The following FLNA variants were observed in gnomAD, a reference collection of about 807,000 sequenced individuals.
FLNA encodes filamin-A.
FLNA carries 7 observed loss-of-function variants against 157.6 expected under a neutral mutation model. The observed-to-expected ratio is 0.04, with a 90% CI of 0.03 to 0.08. FLNA has a LOEUF of 0.08. Ranked by LOEUF, FLNA falls within the 10% of genes least tolerant of loss-of-function variation. The pLI is 1.00. For missense variants in FLNA, 1,750 were observed against 2,398.4 expected (o/e 0.73, Z 5.65); for synonymous variants, 1,103 against 1,060.8 (o/e 1.04, Z -0.77).
intron 44 of FLNA, chrX:154,350,556 C>T (rs368240378): frequency 5.2e-6 from 2 of 385,576 alleles, no homozygotes; most frequent in African/African-American, 2.5e-5. Flanking sequence ...AAGGGCAGGA[C>T]TAGGCCGTGA....
In FLNA at chrX:154,366,746, C is replaced by T. The variant is rs782724892; in HGVS notation, c.973G>A (p.Gly325Arg). 15 of 1,208,631 alleles carry T rather than the reference C, an allele frequency of 1.2e-5. No individual in the cohort carries two copies. The highest frequency in any genetic ancestry group is 5.3e-5 in the South Asian group (3 of 56,895). Residue 325 changes from glycine (G) to arginine (R), a missense_variant, in exon 6 of 48, where the codon GGA becomes AGA. Physicochemically the swap from Gly to Arg is moderately radical, Grantham distance 125. Coordinates refer to ENST00000369850, the MANE Select transcript of FLNA (RefSeq NM_001110556.2). ...EVLVYVEDPA[G>R]HQEEAKVTAN... ...GCTGGCCCTACCTCCTCCTGGTGTC[C>T]GGCCGGGTCCTCCACGTACACCAGC...
rs1243188862 is a variant in FLNA, at chrX:154,353,680, A to C, written c.5734T>G (p.Cys1912Gly). The change falls in exon 36 of 48, where the codon TGC becomes GGC. Residue 1912 changes from cysteine (C) to glycine (G), a missense_variant. Physicochemically the swap from Cys to Gly is radical, Grantham distance 159. Coordinates refer to ENST00000369850, the MANE Select transcript of FLNA (RefSeq NM_001110556.2). ...CATGTCCCATCCTGGTTGTCAGTGC[A>C]GCTGATTTCTGCTTTGGACGGGCCC... ...IEGPSKAEISCTDNQDGTCSV... is the reference protein window; with the variant it reads ...IEGPSKAEISGTDNQDGTCSV... The C allele has an allele frequency of 2.5e-6, 3 of 1,210,505 alleles. No individual in the cohort carries two copies. In the African/African-American group the frequency reaches 5.2e-5, roughly 21 times the overall value.
Position 154,364,906 on chromosome X carries a change from G to A in FLNA, c.1743C>T (p.Ala581=). The A allele has an allele frequency of 8.3e-7, 1 of 1,211,477 alleles. No homozygotes were observed. Among genetic ancestry groups the A allele is most frequent in the Non-Finnish European group, 1.1e-6 (1 of 895,497 alleles). Residue 581 remains alanine (A), a synonymous_variant, in exon 12 of 48, where the codon GCC becomes GCT. Coordinates refer to ENST00000369850, the MANE Select transcript of FLNA (RefSeq NM_001110556.2). ...GTECGNQKVR[A]WGPGLEGGVV... ...CGCCGCCCTCCAGCCCAGGGCCCCA[G>A]GCCCGTACCTTCTGATTGCCACACT...
At chrX:154,371,627 C>G (rs1301559697) in intron 1 of FLNA, among the ~76,000 whole-genome samples, 4 of 113,313 alleles carry the variant, frequency 3.5e-5, no homozygotes, top group African/African-American at 9.6e-5. Context: ...CGCCCTAGAG[C>G]GAGGAAAGGC....
chrX:154,362,355 G>A, intron 17 of FLNA, 23 bp from the exon 18 acceptor site: 1 of 1,208,205 alleles, frequency 8.3e-7, no homozygotes, highest in Non-Finnish European at 1.1e-6. Context: ...GGAGGAGAAG[G>A]CCTTAGAGGA....
rs2067594227 is a variant in FLNA at position 154,348,791 on chromosome X, G to A, written c.*58C>T. The A allele has an allele frequency of 4.0e-5, 44 of 1,104,743 alleles. No homozygotes were observed. In the South Asian group the frequency reaches 4.2e-4, roughly 11 times the overall value. 91.0% of individuals were successfully genotyped at this position (1,104,743 alleles called of 1,213,427 possible). A position where few individuals can be genotyped will look rare whatever the true frequency, so the allele number is the denominator to read the frequency against. ...GGGCCGGGGTTGAGGGGAAGAGGGC[G>A]GGGCTGCTTGGGTAGCGGGGCAGGC... On this transcript the variant is annotated 3_prime_UTR_variant, in exon 48 of 48. Transcript: ENST00000369850.
chrX:154,365,933 G>A (rs1280498506), intron 9 of FLNA, 91 bp downstream of exon 9: 26 of 887,074 alleles, frequency 2.9e-5, no homozygotes, highest in African/African-American at 4.0e-5. Context: ...GCCCCGGGGC[G>A]GGCTGCAGCG....
intron 30 of FLNA, 72 bp downstream of exon 30, chrX:154,357,179 G>T: frequency 9.9e-7 from 1 of 1,012,565 alleles, no homozygotes; most frequent in Non-Finnish European, 1.4e-6. Context: ...CCTGGGAATC[G>T]GCCCCAAGAG....
chrX:154,363,586 G>A (rs782000279), intron 15 of FLNA, among the ~76,000 whole-genome samples: 12 of 110,054 alleles, frequency 1.1e-4, no homozygotes, highest in South Asian at 7.8e-4. Flanking sequence ...GGTGGCGGGC[G>A]CCTGTAGTCC....
chrX:154,366,262 G>A, intron 8 of FLNA, 38 bp from the exon 9 acceptor site: 4 of 1,210,797 alleles, frequency 3.3e-6, no homozygotes, highest in Non-Finnish European at 4.5e-6. Flanking sequence ...AGGCCCCAGT[G>A]CGGCTCTCCC....
At position 154,366,066 on chromosome X, in the gene FLNA, C is replaced by T. The variant is rs782373438; in HGVS notation, c.1387G>A (p.Val463Met). 4 of 1,207,906 alleles carry T rather than the reference C, an allele frequency of 3.3e-6. No homozygotes were observed. The highest frequency in any genetic ancestry group is 3.0e-5 in the East Asian group (1 of 33,735). The change falls in exon 9 of 48, where the codon GTG becomes ATG. Residue 463 changes from valine (V) to methionine (M), a missense_variant. Coordinates refer to ENST00000369850, the MANE Select transcript of FLNA (RefSeq NM_001110556.2). The part of the protein sequence containing the change: ...VHTVHVTFAG[V>M]PIPRSPYTVT... The stretch of plus-strand genomic sequence containing the variant: ...GTGTAGGGGCTGCGAGGGATGGGCA[C>T]GCCGGCAAACGTGACGTGCACGGTG...
intron 15 of FLNA, among the ~76,000 whole-genome samples, chrX:154,363,393 G>A (rs1368893906): frequency 3.8e-5 from 4 of 105,831 alleles, no homozygotes; most frequent in African/African-American, 1.4e-4. Context: ...ACTCCAGCCT[G>A]GCAATAAGAG....
In FLNA at chrX:154,348,870, G is replaced by A; in HGVS notation, c.7923C>T (p.Pro2641=). The A allele has an allele frequency of 8.3e-7, 1 of 1,209,295 alleles. No individual in the cohort carries two copies. Among genetic ancestry groups the A allele is most frequent in the South Asian group, 1.8e-5 (1 of 56,857 alleles). The stretch of plus-strand genomic sequence containing the variant: ...AGACTCAGGGCACCACAACGCGGTA[G>A]GGGCTGCCTGGGATGTGCTCGTCCC... ...KWGDEHIPGS[P]YRVVVP The change falls in exon 48 of 48, where the codon CCC becomes CCT. Residue 2641 remains proline, a synonymous_variant. Transcript: ENST00000369850.
chrX:154,349,116 A>T, intron 47 of FLNA, 80 bp from the exon 48 acceptor site: 1 of 1,021,600 alleles, frequency 9.8e-7, no homozygotes, highest in Middle Eastern at 3.6e-4. Context: ...CCTGTCCCTA[A>T]GCCAGTTCTG....
chrX:154,369,999 C>T (rs1557180032), intron 2 of FLNA, among the ~76,000 whole-genome samples: 1 of 111,619 alleles, frequency 9.0e-6, no homozygotes, highest in Non-Finnish European at 1.9e-5. Flanking sequence ...CCGAGTCACC[C>T]ATTCTGGGGC....
rs1448428046 is a variant in FLNA at position 154,362,701 on chromosome X, C to T, written c.2364G>A (p.Glu788=). Reference sequence around the variant, plus strand: ...CGCAGTCCACAGTGAAGTAGGTGGGCTCGTGGGCCTTGAGCCCTGTCTTGG... The same window carrying T: ...CGCAGTCCACAGTGAAGTAGGTGGGTTCGTGGGCCTTGAGCCCTGTCTTGG... ...GVAKTGLKAH[E]PTYFTVDCAE... is the part of the protein sequence containing the mutation. Residue 788 remains glutamate, a synonymous_variant, in exon 16 of 48, where the codon GAG becomes GAA. Transcript: ENST00000369850. The T allele has an allele frequency of 4.4e-5, 53 of 1,209,078 alleles. No homozygotes were observed. Among genetic ancestry groups the T allele is most frequent in the Non-Finnish European group, 5.8e-5 (52 of 894,880 alleles).
At chrX:154,369,341 C>T (rs2067786440) in intron 2 of FLNA, among the ~76,000 whole-genome samples, 1 of 112,535 alleles carries the variant, frequency 8.9e-6, no homozygotes, top group African/African-American at 3.2e-5. Flanking sequence ...GGCCCCCACC[C>T]CAGTCCAGCC....
rs2148106737 is a variant in FLNA at position 154,354,401 on chromosome X, A to G, written c.5396T>C (p.Ile1799Thr). ...CTCACCTGTGATCTCGCCCTTCTTG[A>G]TGGTGAAGGGGATGACAAGGTCAAA... The part of the protein sequence containing the change: ...RPFDLVIPFT[I>T]KKGEITGEVR... Residue 1799 changes from isoleucine (I) to threonine (T), a missense_variant, in exon 33 of 48, where the codon ATC becomes ACC. Physicochemically the swap from Ile to Thr is moderately conservative, Grantham distance 89 (BLOSUM62 -1). Transcript: ENST00000369850. The G allele has an allele frequency of 8.3e-7, 1 of 1,211,401 alleles. No individual in the cohort carries two copies. The highest frequency in any genetic ancestry group is 1.1e-6 in the Non-Finnish European group (1 of 895,370).
At chrX:154,359,433 C>A (rs202184704) in intron 24 of FLNA, 27 bp from the exon 25 acceptor site, 2 of 1,211,788 alleles carry the variant, frequency 1.7e-6, no homozygotes, top group South Asian at 3.5e-5. Flanking sequence ...GCCGGTCATT[C>A]CTGGGGTTCC....
Sources: gnomAD v4.1 joint callset for allele counts (sites outside exome capture counted in the v4.1 genomes callset) on GRCh38, gnomAD v4.1.1 for gene constraint, MANE v1.5 for transcripts, NCBI Gene and HGNC (gene_info 2026-07-23, HGNC 2026-07-21) for gene names.